The following LRP1B variants were observed in gnomAD, a reference collection of about 807,000 sequenced individuals.
LRP1B encodes LDL receptor related protein 1B.
LRP1B carries 217 observed loss-of-function variants against 556.6 expected under a neutral mutation model. The ratio of observed to expected loss-of-function variants is 0.39; its 90% CI spans 0.35 to 0.44. LRP1B has a LOEUF of 0.44. LRP1B is among the 20% of genes least tolerant of loss of function. The pLI, the probability that LRP1B is intolerant of heterozygous loss-of-function variation, is 1.00. For synonymous variants in LRP1B, 2,047 were observed against 1,865.8 expected (o/e 1.10, Z -2.50); for missense variants, 5,053 against 5,620.8 (o/e 0.90, Z 3.23).
intron 3 of LRP1B, among the ~76,000 whole-genome samples, chr2:141,283,948 T>C (rs775147527): frequency 1.3e-5 from 2 of 152,202 alleles, no homozygotes; most frequent in Non-Finnish European, 2.9e-5. Context: ...GCTGTTTGCT[T>C]ATACTTTTTC....
At chr2:142,047,093 C>CT (rs1179770910) in intron 1 of LRP1B, among the ~76,000 whole-genome samples, 3 of 151,924 alleles carry the variant, frequency 2.0e-5, no homozygotes, top group Non-Finnish European at 2.9e-5. Context: ...GAGATGGATC[C>CT]TTTTTGGTGT....
chr2:141,859,012 T>A (rs1000600531), intron 1 of LRP1B, among the ~76,000 whole-genome samples: 1 of 152,168 alleles, frequency 6.6e-6, no homozygotes, highest in Non-Finnish European at 1.5e-5. Flanking sequence ...ATCAGTCATT[T>A]AAGGTTGTCC....
At chr2:141,426,421 G>C (rs1680365702) in intron 3 of LRP1B, among the ~76,000 whole-genome samples, 1 of 152,102 alleles carries the variant, frequency 6.6e-6, no homozygotes, top group South Asian at 2.1e-4. Context: ...TGAAATGCAG[G>C]TTTTAGAAAA....
intron 7 of LRP1B, among the ~76,000 whole-genome samples, chr2:141,118,142 A>G (rs1700952472): frequency 6.8e-6 from 1 of 147,320 alleles, no homozygotes; most frequent in South Asian, 2.2e-4. Context: ...GCATTCAGAG[A>G]TAAAAGGTAA....
chr2:140,932,886 T>TACACACACACACACAC (rs373649277), intron 20 of LRP1B, among the ~76,000 whole-genome samples: 4,902 of 127,412 alleles, frequency 0.038, 127 homozygotes, highest in Admixed American at 0.052. Flanking sequence ...TCTCTCCCTA[T>TACACACACACACACAC]ACACACACAC....
At chr2:141,471,783 T>C (rs892843719) in intron 3 of LRP1B, among the ~76,000 whole-genome samples, 1 of 152,216 alleles carries the variant, frequency 6.6e-6, no homozygotes, top group African/African-American at 2.4e-5. Context: ...TTGAAGTTGA[T>C]TAATCAATTG....
chr2:140,672,396 A>C (rs1441043917), intron 41 of LRP1B, among the ~76,000 whole-genome samples: 1 of 150,558 alleles, frequency 6.6e-6, no homozygotes, highest in East Asian at 2.0e-4. Flanking sequence ...AGGCAGGAGA[A>C]TCGCTTGAAC....
At chr2:142,046,484 C>T (rs1402936299) in intron 1 of LRP1B, among the ~76,000 whole-genome samples, 1 of 151,932 alleles carries the variant, frequency 6.6e-6, no homozygotes. Flanking sequence ...TAGGCTGCAG[C>T]TTGGTAATCA....
At chr2:140,760,196 G>A in intron 35 of LRP1B, among the ~76,000 whole-genome samples, 1 of 152,150 alleles carries the variant, frequency 6.6e-6, no homozygotes, top group East Asian at 1.9e-4. Flanking sequence ...TAAACCAGGG[G>A]AACACATCAG....
intron 60 of LRP1B, among the ~76,000 whole-genome samples, chr2:140,470,966 C>T (rs528659164): frequency 1.3e-5 from 2 of 152,210 alleles, no homozygotes; most frequent in South Asian, 2.1e-4. Flanking sequence ...CCAGCAAAGG[C>T]GTATTACTTC....
chr2:141,999,670 T>C (rs1425619043), intron 1 of LRP1B, among the ~76,000 whole-genome samples: 1 of 149,614 alleles, frequency 6.7e-6, no homozygotes, highest in Non-Finnish European at 1.5e-5. Flanking sequence ...AGAAAGTTTA[T>C]GTAGAATATG....
intron 1 of LRP1B, among the ~76,000 whole-genome samples, chr2:141,961,230 A>G (rs867104898): frequency 5.9e-5 from 9 of 151,784 alleles, no homozygotes; most frequent in South Asian, 2.1e-4. Context: ...ATTTCTATGA[A>G]AATATGAACT....
In LRP1B at chr2:140,882,605, C is replaced by A. The variant is rs556613122; in HGVS notation, c.4169+1212G>T. Reference sequence around the variant, plus strand: ...AAAGCAAACACATAAATGAGGGTGGCCAATTTGGAATCCTTGCTCTAGATA... The same window carrying A: ...AAAGCAAACACATAAATGAGGGTGGACAATTTGGAATCCTTGCTCTAGATA... On this transcript the variant is annotated intron_variant, in intron 25 of 90. Coordinates refer to ENST00000389484, the MANE Select transcript of LRP1B (RefSeq NM_018557.3). Among the ~76,000 whole-genome samples the A allele has an allele frequency of 2.0e-5, 3 of 152,216 alleles. No homozygotes were observed. In the South Asian group the frequency reaches 6.2e-4, roughly 32 times the overall value.
chr2:141,407,066 T>A (rs1192444928), intron 3 of LRP1B, among the ~76,000 whole-genome samples: 6 of 152,128 alleles, frequency 3.9e-5, no homozygotes, highest in Admixed American at 2.0e-4. Context: ...ATAGAGATAA[T>A]TTGAGGTGAG....
chr2:140,298,419 A>G (rs149029343), intron 83 of LRP1B, among the ~76,000 whole-genome samples: 128 of 152,296 alleles, frequency 8.4e-4, no homozygotes, highest in African/African-American at 2.9e-3. Context: ...AAAACATTAG[A>G]TTACACATGT....
intron 65 of LRP1B, among the ~76,000 whole-genome samples, chr2:140,443,687 C>G (rs527929095): frequency 6.6e-6 from 1 of 152,196 alleles, no homozygotes; most frequent in South Asian, 2.1e-4. Flanking sequence ...AGCTTATATG[C>G]ATATATATAT....
chr2:141,218,370 A>G (rs1682900194), intron 6 of LRP1B, among the ~76,000 whole-genome samples: 1 of 152,204 alleles, frequency 6.6e-6, no homozygotes, highest in Non-Finnish European at 1.5e-5. Context: ...AACCACAAAG[A>G]CATAGAGTCA....
intron 1 of LRP1B, among the ~76,000 whole-genome samples, chr2:141,818,600 G>A (rs548470074): frequency 2.0e-4 from 28 of 137,168 alleles, no homozygotes; most frequent in Admixed American, 1.3e-3. Context: ...GCAGTGGTGC[G>A]ATCTTGGCTC....
intron 7 of LRP1B, among the ~76,000 whole-genome samples, chr2:141,105,138 T>C (rs1700572697): frequency 6.6e-6 from 1 of 152,150 alleles, no homozygotes; most frequent in South Asian, 2.1e-4. Context: ...TTTGGAATTG[T>C]ATTTCATATA....
Sources: gnomAD v4.1 joint callset for allele counts (sites outside exome capture counted in the v4.1 genomes callset) on GRCh38, gnomAD v4.1.1 for gene constraint, MANE v1.5 for transcripts, NCBI Gene and HGNC (gene_info 2026-07-23, HGNC 2026-07-21) for gene names.